Variants in MICAL2 observed in about 807,000 individuals in gnomAD.
The protein encoded by MICAL2 is [F-actin]-monooxygenase MICAL2.
MICAL2 carries 77 observed loss-of-function variants against 127.3 expected under a neutral mutation model. The observed-to-expected ratio is 0.60, with a 90% CI of 0.50 to 0.73. The LOEUF (loss-of-function observed/expected upper bound fraction) is 0.73, where lower values mean the gene tolerates loss of function less well. Ranked by LOEUF, MICAL2 falls within the 30% of genes least tolerant of loss-of-function variation. The probability of loss-of-function intolerance (pLI) is 0.00; values close to 1 mark genes in which losing one functional copy is unlikely to be tolerated. For missense variants in MICAL2, 1,351 were observed against 1,434.4 expected (o/e 0.94, Z 0.94); for synonymous variants, 570 against 551.1 (o/e 1.03, Z -0.48).
At chr11:12,334,238 T>C (rs1938703760) in intron 32 of MICAL2, among the ~76,000 whole-genome samples, 1 of 152,164 alleles carries the variant, frequency 6.6e-6, no homozygotes, top group Admixed American at 6.6e-5. Context: ...TGATATAAAA[T>C]GGCGTAGTCA....
At chr11:12,302,593 A>AAGTCTTTTGTGAAGT (rs1158676029) in intron 29 of MICAL2, among the ~76,000 whole-genome samples, 3 of 151,820 alleles carry the variant, frequency 2.0e-5, no homozygotes, top group Non-Finnish European at 2.9e-5. Context: ...TTTTGCCCAT[A>AAGTCTTTTGTGAAGT]CTTTTATTGT....
chr11:12,168,145 TAC>T (rs3044619), intron 3 of MICAL2, among the ~76,000 whole-genome samples: 115 of 146,266 alleles, frequency 7.9e-4, no homozygotes, highest in African/African-American at 2.7e-3. Flanking sequence ...CTACAGCAAA[TAC>T]ACACACACAC....
At chr11:12,310,327 T>C (rs1864159303) in intron 29 of MICAL2, among the ~76,000 whole-genome samples, 1 of 152,180 alleles carries the variant, frequency 6.6e-6, no homozygotes, top group Non-Finnish European at 1.5e-5. Flanking sequence ...ATTCAAGTCT[T>C]TAATTCACTT....
intron 17 of MICAL2, among the ~76,000 whole-genome samples, chr11:12,240,007 A>C (rs1050319511): frequency 6.6e-6 from 1 of 152,166 alleles, no homozygotes; most frequent in Non-Finnish European, 1.5e-5. Context: ...TTTTGAGGTG[A>C]TACAGTTTGA....
chr11:12,158,109 T>C (rs1854387376), intron 2 of MICAL2, among the ~76,000 whole-genome samples: 1 of 152,076 alleles, frequency 6.6e-6, no homozygotes, highest in South Asian at 2.1e-4. Context: ...CATGATGCTG[T>C]AAGGAAGTGT....
intron 18 of MICAL2, among the ~76,000 whole-genome samples, chr11:12,241,700 T>A (rs1859989138): frequency 6.6e-6 from 1 of 152,214 alleles, no homozygotes; most frequent in South Asian, 2.1e-4. Flanking sequence ...CTGAACCGAA[T>A]CACTGTTATT....
At chr11:12,260,855 A>G in intron 26 of MICAL2, 1 of 985,426 alleles carries the variant, frequency 1.0e-6, no homozygotes, top group Non-Finnish European at 1.2e-6. Flanking sequence ...ATACCAACTC[A>G]CAGCCAAATG....
At chr11:12,289,253 G>C (rs1310998509), downstream of MICAL2, among the ~76,000 whole-genome samples, 6 of 152,184 alleles carry the variant, frequency 3.9e-5, no homozygotes, top group African/African-American at 1.2e-4. Flanking sequence ...AACCCTAAGG[G>C]CCAGCTGCAC....
At chr11:12,111,604 G>C (rs1176536864) in intron 1 of MICAL2, among the ~76,000 whole-genome samples, 1 of 152,228 alleles carries the variant, frequency 6.6e-6, no homozygotes, top group Non-Finnish European at 1.5e-5. Context: ...TGAGGCCTGG[G>C]TTCTTAAAGC....
chr11:12,227,034 G>C lies in MICAL2; in HGVS notation c.1898G>C (p.Arg633Pro), dbSNP rs550100348. 19 of 1,613,380 alleles carry C rather than the reference G, an allele frequency of 1.2e-5. No homozygotes were observed. The highest frequency in any genetic ancestry group is 1.4e-5 in the Non-Finnish European group (17 of 1,179,546). Reference sequence around the variant, plus strand: ...CTTTATTTCCCAACAGATTCTTGGCGCAAAAACTATGGAGAAAATGCTGAC... The same window carrying C: ...CTTTATTTCCCAACAGATTCTTGGCCCAAAAACTATGGAGAAAATGCTGAC... ...GTPLRPVDSW[R>P]KNYGENADLS... The change falls in exon 15 of 28, where the codon CGC becomes CCC. Residue 633 changes from arginine to proline, a missense_variant. By Grantham distance (103) the Arg-to-Pro change is moderately radical (BLOSUM62 -2). Around this residue, in one of 2 missense-constraint regions of MICAL2, gnomAD observed 752 missense variants for 719.4 expected, o/e 1.05. Coordinates refer to ENST00000683283, the MANE Select transcript of MICAL2 (RefSeq NM_001282663.2).
intron 17 of MICAL2, 74 bp from the exon 18 acceptor site, chr11:12,240,953 CTTCTCCCTCCAAG>C: frequency 6.6e-7 from 1 of 1,516,506 alleles, no homozygotes; most frequent in Non-Finnish European, 9.0e-7. Context: ...CTCCTCTTCT[CTTCTCCCTCCAAG>C]CCTCTCAATC....
intron 31 of MICAL2, among the ~76,000 whole-genome samples, chr11:12,324,348 T>A (rs1864333137): frequency 6.6e-6 from 1 of 152,196 alleles, no homozygotes; most frequent in Non-Finnish European, 1.5e-5. Context: ...AGCCAACGCA[T>A]GGCCTTGGGA....
At chr11:12,127,298 C>T (rs1190182276) in intron 1 of MICAL2, among the ~76,000 whole-genome samples, 3 of 152,190 alleles carry the variant, frequency 2.0e-5, no homozygotes, top group African/African-American at 7.2e-5. Flanking sequence ...AGGCATTTTA[C>T]ATGTCTGCTC....
chr11:12,359,929 C>T (rs1165368085), downstream of MICAL2, among the ~76,000 whole-genome samples: 1 of 152,202 alleles, frequency 6.6e-6, no homozygotes, highest in Non-Finnish European at 1.5e-5. Context: ...CCATAAACCA[C>T]TTCTGTCAGA....
chr11:12,240,898 G>T, intron 17 of MICAL2, 142 bp from the exon 18 acceptor site: 1 of 1,092,502 alleles, frequency 9.2e-7, no homozygotes. Context: ...GCTTGCGGGA[G>T]CTCAGCCCAG....
chr11:12,248,289 C>CT (rs1861044824), intron 21 of MICAL2, among the ~76,000 whole-genome samples: 1 of 152,198 alleles, frequency 6.6e-6, no homozygotes, highest in Non-Finnish European at 1.5e-5. Flanking sequence ...CAGAGTCTGT[C>CT]TTTCCAGGCT....
At chr11:12,249,281 A>G (rs372096543) in intron 22 of MICAL2, 35 bp downstream of exon 22, 3 of 1,264,172 alleles carry the variant, frequency 2.4e-6, no homozygotes, top group East Asian at 2.3e-5. Context: ...CAGCTGCCTC[A>G]CCTGCAAAGG....
Position 12,262,824 on chromosome 11 carries a change from C to T in MICAL2, c.*17+287C>T, listed in dbSNP as rs191207967. 1.8e-3 allele frequency: 594 copies of T among 333,022 alleles called. 2 individuals are homozygous for T. The highest frequency in any genetic ancestry group is 0.012 in the African/African-American group (553 of 47,872). 20.6% of individuals were successfully genotyped at this position (333,022 alleles called of 1,614,324 possible). A position where few individuals can be genotyped will look rare whatever the true frequency, so the allele number is the denominator to read the frequency against. On this transcript the variant is annotated intron_variant, in intron 27 of 27. Coordinates refer to ENST00000683283, the MANE Select transcript of MICAL2 (RefSeq NM_001282663.2). ...GCCTGCGTGCATGCTTCTCCAGTTGCGTCTGCGAAGCTACCTACTTTCTTG... is the reference window on the plus strand; with the variant it reads ...GCCTGCGTGCATGCTTCTCCAGTTGTGTCTGCGAAGCTACCTACTTTCTTG...
chr11:12,126,672 A>G (rs868090605), intron 1 of MICAL2, among the ~76,000 whole-genome samples: 8 of 150,870 alleles, frequency 5.3e-5, no homozygotes. Context: ...TAAAGTATTT[A>G]CAGTGGGCTT....
Sources: gnomAD v4.1 joint callset for allele counts (sites outside exome capture counted in the v4.1 genomes callset) on GRCh38, gnomAD v4.1.1 for gene constraint, gnomAD v4.1.1 regional missense constraint, MANE v1.5 for transcripts, NCBI Gene and HGNC (gene_info 2026-07-23, HGNC 2026-07-21) for gene names.